LRRC56: variants seen among roughly 807,000 people sequenced by gnomAD.
LRRC56 encodes the protein leucine-rich repeat-containing protein 56.
Under a neutral mutation model 47.8 loss-of-function variants are expected in LRRC56, and 41 were observed. That is an observed-to-expected ratio of 0.86 (90% CI 0.67 to 1.11). The LOEUF is 1.11. Ranked by LOEUF, LRRC56 falls within the 50% of genes most tolerant of loss-of-function variation. LRRC56 has a pLI of 0.00. For synonymous variants in LRRC56, 387 were observed against 311.2 expected, an observed-to-expected ratio of 1.24 and a Z score of -2.56; for missense variants, 759 against 704.2, an observed-to-expected ratio of 1.08 and a Z score of -0.88.
the LRRC56 span, among the ~76,000 whole-genome samples, chr11:524,142 C>T: frequency 1.3e-5 from 2 of 152,096 alleles, no homozygotes; most frequent in African/African-American, 2.4e-5. Context: ...ATTCTAAATG[C>T]ACCACACGTG....
At chr11:514,648 G>A in the LRRC56 span, among the ~76,000 whole-genome samples, 5 of 152,048 alleles carry the variant, frequency 3.3e-5, no homozygotes, top group African/African-American at 7.3e-5. Flanking sequence ...CCCAGTTGGG[G>A]AGGGAGTGAG....
chr11:525,403 G>T, the LRRC56 span, among the ~76,000 whole-genome samples: 78 of 152,106 alleles, frequency 5.1e-4, no homozygotes, highest in African/African-American at 1.8e-3. Flanking sequence ...GCCGGCCGTG[G>T]TGGCGGCCGC....
the LRRC56 span, among the ~76,000 whole-genome samples, chr11:516,238 C>CA: frequency 6.6e-6 from 1 of 152,074 alleles, no homozygotes; most frequent in Non-Finnish European, 1.5e-5. Flanking sequence ...ACCAAAAATA[C>CA]AAAAACTAGC....
In LRRC56 at chr11:554,182, C is replaced by A; in HGVS notation, c.1535C>A (p.Ala512Asp). 1 of 1,572,194 alleles carries A rather than the reference C, an allele frequency of 6.4e-7. No individual in the cohort carries two copies. The highest frequency in any genetic ancestry group is 8.6e-7 in the Non-Finnish European group (1 of 1,160,332). The change falls in exon 14 of 14, where the codon GCC becomes GAC. Residue 512 changes from alanine to aspartate, a missense_variant. Physicochemically the swap from Ala to Asp is moderately radical, Grantham distance 126. Transcript: ENST00000270115. Reference protein sequence around the residue: ...LEVASRLSPRAQGCPGPKPAP... With the variant: ...LEVASRLSPRDQGCPGPKPAP... ...GTGGCCTCACGCCTGAGCCCTCGAG[C>A]CCAGGGATGTCCTGGCCCAAAGCCA... is the stretch of plus-strand genomic sequence containing the variant.
chr11:551,104 T>C (rs1852358422), intron 8 of LRRC56, 27 bp from the exon 9 acceptor site: 3 of 873,866 alleles, frequency 3.4e-6, no homozygotes, highest in Non-Finnish European at 4.9e-6. Flanking sequence ...AGACCTGCCC[T>C]CCCTCCCCCT....
the LRRC56 span, among the ~76,000 whole-genome samples, chr11:510,963 G>A: frequency 6.6e-6 from 1 of 152,000 alleles, no homozygotes; most frequent in South Asian, 2.1e-4. Flanking sequence ...AGTATGAGAT[G>A]TGTACATAAA....
At chr11:510,170 G>C in the LRRC56 span, among the ~76,000 whole-genome samples, 1 of 152,162 alleles carries the variant, frequency 6.6e-6, no homozygotes, top group Admixed American at 6.5e-5. Flanking sequence ...CCAGGGACAG[G>C]CTGAGGCAAG....
At chr11:523,219 G>A in the LRRC56 span, among the ~76,000 whole-genome samples, 3 of 152,020 alleles carry the variant, frequency 2.0e-5, no homozygotes, top group Non-Finnish European at 4.4e-5. Context: ...AGTAGAGGCA[G>A]AGTTTCACCA....
At chr11:544,815 C>T in intron 6 of LRRC56, 35 bp downstream of exon 6, 4 of 1,580,646 alleles carry the variant, frequency 2.5e-6, no homozygotes, top group Non-Finnish European at 3.4e-6. Flanking sequence ...GGGGCCCTGC[C>T]ATGAGGGGGT....
the LRRC56 span, among the ~76,000 whole-genome samples, chr11:514,175 G>A: frequency 6.6e-6 from 1 of 151,356 alleles, no homozygotes; most frequent in East Asian, 2.0e-4. Context: ...TCCATTTTTA[G>A]TAGAGACGGG....
chr11:510,980 A>G, the LRRC56 span, among the ~76,000 whole-genome samples: 28,542 of 152,044 alleles, frequency 0.19, 2,685 homozygotes, highest in Middle Eastern at 0.27. Flanking sequence ...TAAAGTGCAC[A>G]TAGCGCAAGT....
chr11:533,468 C>T (rs747008553), upstream of LRRC56: 23 of 1,613,274 alleles, frequency 1.4e-5, no homozygotes, highest in East Asian at 2.2e-5. Context: ...GGGTCTTGGC[C>T]GAGGTCTCGA....
At chr11:516,312 G>T in the LRRC56 span, among the ~76,000 whole-genome samples, 1 of 152,006 alleles carries the variant, frequency 6.6e-6, no homozygotes, top group Non-Finnish European at 1.5e-5. Flanking sequence ...AGAATCACTT[G>T]AGCCCCAGAG....
At position 551,632 on chromosome 11, in the gene LRRC56, G is replaced by A. The variant is rs753392730; in HGVS notation, c.797-19G>A. The A allele has an allele frequency of 2.3e-5, 36 of 1,537,410 alleles. No homozygotes were observed. Among genetic ancestry groups the A allele is most frequent in the Non-Finnish European group, 3.2e-5 (36 of 1,142,542 alleles). ...CTCAGGCTGGGCCTTGGTGACCTCTGCTTCTGAACCTCGGGCAGACTGTCC... is the reference window on the plus strand; with the variant it reads ...CTCAGGCTGGGCCTTGGTGACCTCTACTTCTGAACCTCGGGCAGACTGTCC... On this transcript the variant is annotated intron_variant, in intron 9 of 13. Transcript: ENST00000270115.
chr11:514,356 G>A, the LRRC56 span, among the ~76,000 whole-genome samples: 2 of 151,264 alleles, frequency 1.3e-5, no homozygotes, highest in South Asian at 2.1e-4. Context: ...ACATTATCTC[G>A]GCTCACGGCA....
At chr11:547,395 C>T (rs958652257) in intron 6 of LRRC56, among the ~76,000 whole-genome samples, 1 of 150,870 alleles carries the variant, frequency 6.6e-6, no homozygotes, top group Non-Finnish European at 1.5e-5. Flanking sequence ...ACTCCGTTGC[C>T]CAGGCTGGAG....
At chr11:531,688 G>C in the LRRC56 span, among the ~76,000 whole-genome samples, 1 of 152,188 alleles carries the variant, frequency 6.6e-6, no homozygotes, top group Non-Finnish European at 1.5e-5. Context: ...AGGCTCCCAC[G>C]CCCTACTGGC....
chr11:551,562 TG>T, intron 9 of LRRC56, 88 bp from the exon 10 acceptor site: 1 of 1,377,910 alleles, frequency 7.3e-7, no homozygotes, highest in Non-Finnish European at 9.9e-7. Flanking sequence ...CCATGCAGCA[TG>T]GGGATTGGGG....
At chr11:547,966 A>G (rs189431399) in intron 6 of LRRC56, among the ~76,000 whole-genome samples, 54 of 152,090 alleles carry the variant, frequency 3.6e-4, no homozygotes, top group Non-Finnish European at 6.0e-4. Flanking sequence ...TATCTACTAA[A>G]AATACAAAAA....
Sources: allele counts gnomAD v4.1 joint callset (sites outside exome capture counted in the v4.1 genomes callset), GRCh38; gene constraint gnomAD v4.1.1; transcripts MANE v1.5; gene names NCBI Gene and HGNC (gene_info 2026-07-23, HGNC 2026-07-21).